Variants in MAP3K13 observed in about 807,000 individuals in gnomAD.
The protein encoded by MAP3K13 is mitogen-activated protein kinase kinase kinase 13.
Under a neutral mutation model 104.0 loss-of-function variants are expected in MAP3K13, and 52 were observed. The observed-to-expected ratio is 0.50, with a 90% CI of 0.40 to 0.63. The LOEUF (loss-of-function observed/expected upper bound fraction) is 0.63. MAP3K13 is among the 20% of genes least tolerant of loss of function. The pLI is 0.00. For missense variants in MAP3K13, 914 were observed against 1,218.5 expected, an observed-to-expected ratio of 0.75 and a Z score of 3.72; for synonymous variants, 394 against 442.2, an observed-to-expected ratio of 0.89 and a Z score of 1.37.
intron 1 of MAP3K13, among the ~76,000 whole-genome samples, chr3:185,410,654 G>T (rs1238866637): frequency 7.2e-5 from 11 of 152,054 alleles, no homozygotes. Context: ...TAAAAAATAG[G>T]CCAGGTGTGG....
intron 2 of MAP3K13, among the ~76,000 whole-genome samples, chr3:185,432,185 C>CTTTTTTTTTT (rs11407161): frequency 4.4e-5 from 4 of 90,112 alleles, no homozygotes; most frequent in African/African-American, 4.3e-5. Context: ...TTTCTAATTG[C>CTTTTTTTTTT]TTTTTTTTTT....
chr3:185,456,319 A>C (rs1303896678), intron 7 of MAP3K13, among the ~76,000 whole-genome samples: 1 of 152,122 alleles, frequency 6.6e-6, no homozygotes, highest in East Asian at 1.9e-4. Context: ...TTATTATGTA[A>C]GTAAAGTGTT....
At position 185,455,650 on chromosome 3, in the gene MAP3K13, T is replaced by TATATATCATATATATGAG. The variant is rs1553808861; in HGVS notation, c.1278+4261_1278+4262insCATATATATGAGATATAT. Among the ~76,000 whole-genome samples the TATATATCATATATATGAG allele has an allele frequency of 2.5e-3, 198 of 79,306 alleles. 68 individuals carry two copies. Among genetic ancestry groups the TATATATCATATATATGAG allele is most frequent in the East Asian group, 5.8e-3 (19 of 3,262 alleles). 52.0% of individuals were successfully genotyped at this position (79,306 alleles called of 152,430 possible). A position where few individuals can be genotyped will look rare whatever the true frequency, so the allele number is the denominator to read the frequency against. ...ATATATATATGATATATATGAGATA[T>TATATATCATATATATGAG]ATATATGATATATATATGATATATA... On this transcript the variant is annotated intron_variant, in intron 7 of 13. Transcript: ENST00000265026.
At chr3:185,441,505 A>G (rs898353182) in intron 3 of MAP3K13, among the ~76,000 whole-genome samples, 2 of 152,230 alleles carry the variant, frequency 1.3e-5, no homozygotes, top group African/African-American at 4.8e-5. Context: ...GTTGTATATC[A>G]TAGGAATTTA....
intron 2 of MAP3K13, among the ~76,000 whole-genome samples, chr3:185,290,043 T>C (rs1720673985): frequency 6.6e-6 from 1 of 152,210 alleles, no homozygotes; most frequent in Non-Finnish European, 1.5e-5. Flanking sequence ...TGAAGGTTAA[T>C]GTATATAAAG....
At chr3:185,290,239 A>T (rs969616499) in intron 2 of MAP3K13, among the ~76,000 whole-genome samples, 1 of 152,200 alleles carries the variant, frequency 6.6e-6, no homozygotes, top group African/African-American at 2.4e-5. Flanking sequence ...ACTTTAAAAA[A>T]ATTATACAAG....
intron 1 of MAP3K13, among the ~76,000 whole-genome samples, chr3:185,365,883 TCCCC>T (rs1560067534): frequency 4.8e-4 from 6 of 12,444 alleles, no homozygotes; most frequent in Non-Finnish European, 8.4e-4. Flanking sequence ...TCCCCTCCCC[TCCCC>T]TCCCCTCCCC....
chr3:185,374,835 T>C (rs1162995352), intron 1 of MAP3K13, among the ~76,000 whole-genome samples: 3 of 151,970 alleles, frequency 2.0e-5, no homozygotes, highest in Non-Finnish European at 4.4e-5. Flanking sequence ...GCAAAAAGGA[T>C]TAGAAATGGC....
rs1228903307 is a variant in MAP3K13, at chr3:185,485,915, C to T, written c.*3459C>T. 1 of 152,130 alleles carries T rather than the reference C, an allele frequency of 6.6e-6. No homozygotes were observed. The highest frequency in any genetic ancestry group is 6.5e-5 in the Admixed American group (1 of 15,274). 9.4% of individuals were successfully genotyped at this position (152,130 alleles called of 1,614,324 possible). ...GAACTTTAAGAAGGAGGCCTGGTCA[C>T]TTAGAGGACCAACGACTGGAAAAAA... On this transcript the variant is annotated 3_prime_UTR_variant, in exon 14 of 14. Transcript: ENST00000265026.
At chr3:185,337,717 C>T (rs1722562645) in intron 2 of MAP3K13, among the ~76,000 whole-genome samples, 1 of 151,158 alleles carries the variant, frequency 6.6e-6, no homozygotes, top group African/African-American at 2.4e-5. Flanking sequence ...TTCTAGCAAC[C>T]TGATTCTTTA....
chr3:185,453,216 T>C (rs572028534), intron 7 of MAP3K13, among the ~76,000 whole-genome samples: 1 of 152,318 alleles, frequency 6.6e-6, no homozygotes, highest in South Asian at 2.1e-4. Context: ...TGTATGCTTA[T>C]AGAACATAAC....
In MAP3K13 at chr3:185,480,360, T is replaced by C. The variant is rs1470449062; in HGVS notation, c.2630T>C (p.Leu877Pro). Residue 877 changes from leucine (L) to proline (P), a missense_variant, in exon 13 of 14, where the codon CTT becomes CCT. Leu to Pro is a moderately conservative substitution (Grantham distance 98, BLOSUM62 -3). Around this residue, in one of 3 missense-constraint regions of MAP3K13, gnomAD observed 583 missense variants for 737.4 expected, o/e 0.79. Coordinates refer to ENST00000265026, the MANE Select transcript of MAP3K13 (RefSeq NM_004721.5). ...SNSPDELADK[L>P]EDRLAEKLDD... ...AGTCCTGATGAGTTAGCTGATAAACTTGAAGACCGCTTGGCAGAGAAGCTA... is the reference window on the plus strand; with the variant it reads ...AGTCCTGATGAGTTAGCTGATAAACCTGAAGACCGCTTGGCAGAGAAGCTA... 1.2e-6 allele frequency: 2 copies of C among 1,614,172 alleles called. No homozygotes were observed. The highest frequency in any genetic ancestry group is 8.5e-7 in the Non-Finnish European group (1 of 1,180,032).
At chr3:185,308,305 C>T (rs775422284) in intron 2 of MAP3K13, among the ~76,000 whole-genome samples, 6 of 152,068 alleles carry the variant, frequency 3.9e-5, no homozygotes, top group Non-Finnish European at 7.4e-5. Context: ...CTTGCTCCCT[C>T]TGGTGTCTTT....
intron 2 of MAP3K13, among the ~76,000 whole-genome samples, chr3:185,345,077 G>A (rs1020816087): frequency 4.6e-5 from 7 of 152,062 alleles, no homozygotes; most frequent in African/African-American, 1.4e-4. Flanking sequence ...TGGCCAGGCT[G>A]GTCTTGAACT....
At chr3:185,292,044 C>T (rs1720760868) in intron 2 of MAP3K13, 4 of 978,280 alleles carry the variant, frequency 4.1e-6, no homozygotes, top group African/African-American at 1.7e-5. Context: ...GTGGCTCATG[C>T]CTGTAATCCC....
At chr3:185,369,950 G>A (rs1213428871) in intron 1 of MAP3K13, among the ~76,000 whole-genome samples, 2 of 152,126 alleles carry the variant, frequency 1.3e-5, no homozygotes, top group East Asian at 1.9e-4. Context: ...CAATCAGGTC[G>A]TCCTTACCAG....
intron 4 of MAP3K13, among the ~76,000 whole-genome samples, chr3:185,446,486 T>C (rs1314490406): frequency 6.6e-6 from 1 of 152,214 alleles, no homozygotes; most frequent in Non-Finnish European, 1.5e-5. Flanking sequence ...TCTTTAATTT[T>C]CTAAAGTTCT....
chr3:185,344,732 AT>A (rs1408696589), intron 2 of MAP3K13, among the ~76,000 whole-genome samples: 1 of 151,804 alleles, frequency 6.6e-6, no homozygotes, highest in African/African-American at 2.4e-5. Flanking sequence ...GTGGCCTTTC[AT>A]TTCTAGCGAC....
chr3:185,284,225 AAT>A (rs1172847802), intron 1 of MAP3K13, among the ~76,000 whole-genome samples: 3 of 152,166 alleles, frequency 2.0e-5, no homozygotes, highest in African/African-American at 2.4e-5. Context: ...ACTCACTAAA[AAT>A]ATGTTATAAT....
Sources: gnomAD v4.1 joint callset for allele counts (sites outside exome capture counted in the v4.1 genomes callset) on GRCh38, gnomAD v4.1.1 for gene constraint, gnomAD v4.1.1 regional missense constraint, MANE v1.5 for transcripts, NCBI Gene and HGNC (gene_info 2026-07-23, HGNC 2026-07-21) for gene names.